GSE1: variants seen among roughly 807,000 people sequenced by gnomAD.
GSE1 encodes genetic suppressor element 1.
Under a neutral mutation model 112.6 loss-of-function variants are expected in GSE1, and 32 were observed. That is an observed-to-expected ratio of 0.28 (90% CI 0.21 to 0.38). GSE1 has a LOEUF of 0.38. GSE1 is among the 10% of genes least tolerant of loss of function. The pLI is 1.00. For missense variants in GSE1, 2,348 were observed against 1,699.2 expected, an observed-to-expected ratio of 1.38 and a Z score of -6.71; for synonymous variants, 1,115 against 735.6, an observed-to-expected ratio of 1.52 and a Z score of -8.35.
intron 2 of GSE1, among the ~76,000 whole-genome samples, chr16:85,484,422 C>T (rs2050772357): frequency 6.6e-6 from 1 of 152,218 alleles, no homozygotes; most frequent in Admixed American, 6.5e-5. Flanking sequence ...CTCCAAAACC[C>T]AGACCAGAAA....
chr16:85,498,021 T>C (rs1296170934), intron 2 of GSE1, among the ~76,000 whole-genome samples: 2 of 147,120 alleles, frequency 1.4e-5, no homozygotes, highest in Non-Finnish European at 3.0e-5. Flanking sequence ...GCCTGTGTGC[T>C]CCGCAGGAGC....
At chr16:85,372,198 A>G (rs79665466) in intron 2 of GSE1, among the ~76,000 whole-genome samples, 3,926 of 152,228 alleles carry the variant, frequency 0.026, 155 homozygotes, top group African/African-American at 0.089. Flanking sequence ...TGATTTCATT[A>G]AGAAGGAACC....
At chr16:85,202,241 C>G (rs1195693330) in intron 1 of GSE1, among the ~76,000 whole-genome samples, 1 of 152,236 alleles carries the variant, frequency 6.6e-6, no homozygotes, top group Non-Finnish European at 1.5e-5. Context: ...TCCCCAGCCC[C>G]AACTGCCTTC....
chr16:85,512,438 C>G (rs1213056073), intron 2 of GSE1, among the ~76,000 whole-genome samples: 5 of 152,236 alleles, frequency 3.3e-5, no homozygotes, highest in African/African-American at 1.2e-4. Context: ...GCCTGTGCTA[C>G]TCCCCAAATC....
At chr16:85,513,641 CCCT>C (rs985005185) in intron 2 of GSE1, among the ~76,000 whole-genome samples, 115 of 152,276 alleles carry the variant, frequency 7.6e-4, no homozygotes, top group African/African-American at 2.8e-3. Context: ...CCAGGCCTCA[CCCT>C]CCTCCTCCAG....
intron 2 of GSE1, among the ~76,000 whole-genome samples, chr16:85,430,895 G>A (rs1431988565): frequency 1.3e-5 from 2 of 152,232 alleles, no homozygotes; most frequent in Non-Finnish European, 2.9e-5. Flanking sequence ...GTCAGCGTGA[G>A]GCCTGGGAGC....
intron 1 of GSE1, among the ~76,000 whole-genome samples, chr16:85,343,956 G>T (rs561634655): frequency 6.6e-6 from 1 of 152,142 alleles, no homozygotes; most frequent in Non-Finnish European, 1.5e-5. Context: ...GCACAGTCCC[G>T]TCTCAGGGCC....
intron 2 of GSE1, among the ~76,000 whole-genome samples, chr16:85,506,884 T>C (rs1368967015): frequency 6.6e-6 from 1 of 152,042 alleles, no homozygotes; most frequent in Non-Finnish European, 1.5e-5. Context: ...CAGCAATCGC[T>C]CAGCCACCCT....
At chr16:85,554,240 T>C (rs188778837), upstream of GSE1, among the ~76,000 whole-genome samples, 75 of 152,306 alleles carry the variant, frequency 4.9e-4, no homozygotes, top group Admixed American at 2.7e-3. Context: ...GGATGTGGTT[T>C]GGCGGCAGGG....
chr16:85,635,996 G>C (rs1377477458), intron 2 of GSE1, among the ~76,000 whole-genome samples: 3 of 152,244 alleles, frequency 2.0e-5, no homozygotes, highest in African/African-American at 7.2e-5. Flanking sequence ...CCCAGCACTT[G>C]GTTTGGTGGC....
At chr16:85,509,277 G>A (rs1263978832) in intron 2 of GSE1, among the ~76,000 whole-genome samples, 1 of 152,222 alleles carries the variant, frequency 6.6e-6, no homozygotes, top group Admixed American at 6.5e-5. Flanking sequence ...GGTAACAAGA[G>A]TCCTGGTCGT....
chr16:85,665,928 C>T (rs759200584), intron 12 of GSE1, 48 bp from the exon 13 acceptor site: 1 of 1,589,612 alleles, frequency 6.3e-7, no homozygotes, highest in Non-Finnish European at 8.6e-7. Flanking sequence ...GACACTCAGC[C>T]TGTTAACTTG....
intron 2 of GSE1, among the ~76,000 whole-genome samples, chr16:85,428,479 T>A (rs1372669655): frequency 6.6e-6 from 1 of 152,232 alleles, no homozygotes; most frequent in East Asian, 1.9e-4. Flanking sequence ...AATGGGGCGA[T>A]AATCGCCCCT....
chr16:85,515,766 G>T (rs1692494988), intron 2 of GSE1, among the ~76,000 whole-genome samples: 1 of 152,098 alleles, frequency 6.6e-6, no homozygotes, highest in South Asian at 2.1e-4. Flanking sequence ...ATTGGAACCT[G>T]CTCTTCAGTG....
intron 1 of GSE1, among the ~76,000 whole-genome samples, chr16:85,264,775 G>A (rs934189975): frequency 2.6e-5 from 4 of 152,188 alleles, no homozygotes; most frequent in Non-Finnish European, 2.9e-5. Context: ...CGTCCCCTGT[G>A]GAGACCCCTG....
intron 2 of GSE1, among the ~76,000 whole-genome samples, chr16:85,420,018 G>C (rs983053223): frequency 6.6e-6 from 1 of 152,230 alleles, no homozygotes; most frequent in Non-Finnish European, 1.5e-5. Flanking sequence ...ATCGGGGCCA[G>C]GGATGCTGAA....
At chr16:85,542,485 C>A (rs1323500471) in intron 2 of GSE1, among the ~76,000 whole-genome samples, 1 of 152,222 alleles carries the variant, frequency 6.6e-6, no homozygotes, top group Non-Finnish European at 1.5e-5. Context: ...CTGTGCAGAA[C>A]TTAACAGGTG....
chr16:85,293,318 G>A (rs1212933402), intron 1 of GSE1, among the ~76,000 whole-genome samples: 1 of 152,080 alleles, frequency 6.6e-6, no homozygotes, highest in African/African-American at 2.4e-5. Context: ...GGCCGAGGCG[G>A]GTGCATCACT....
chr16:85,666,229 G>C lies in GSE1; in HGVS notation c.3012G>C (p.Leu1004=), dbSNP rs1448916097. The C allele has an allele frequency of 8.1e-6, 13 of 1,613,636 alleles. No homozygotes were observed. Among genetic ancestry groups the C allele is most frequent in the Non-Finnish European group, 1.1e-5 (13 of 1,180,054 alleles). The part of the protein sequence containing the change: ...GAAPKDIPVP[L]SHSTNGKSKP... The stretch of plus-strand genomic sequence containing the variant: ...CACCCAAGGACATTCCTGTGCCGCT[G>C]TCCCACAGCACCAATGGGAAGAGCA... Residue 1004 remains leucine, a synonymous_variant, in exon 13 of 16, where the codon CTG becomes CTC. Coordinates refer to ENST00000253458, the MANE Select transcript of GSE1 (RefSeq NM_014615.5).
Sources: allele counts gnomAD v4.1 joint callset (sites outside exome capture counted in the v4.1 genomes callset), GRCh38; gene constraint gnomAD v4.1.1; transcripts MANE v1.5; gene names NCBI Gene and HGNC (gene_info 2026-07-23, HGNC 2026-07-21).